Variants in SYT14 observed in about 807,000 individuals in gnomAD.
The protein encoded by SYT14 is synaptotagmin 14, also known as synaptotagmin-14.
Under a neutral mutation model 74.2 loss-of-function variants are expected in SYT14, and 32 were observed. The ratio of observed to expected loss-of-function variants is 0.43; its 90% CI spans 0.33 to 0.58. The LOEUF (loss-of-function observed/expected upper bound fraction) is 0.58, where lower values mean the gene tolerates loss of function less well. SYT14 is among the 20% of genes least tolerant of loss of function. The probability of loss-of-function intolerance (pLI) is 0.05; values close to 1 mark genes in which losing one functional copy is unlikely to be tolerated. For missense variants in SYT14, 791 were observed against 981.8 expected, an observed-to-expected ratio of 0.81 and a Z score of 2.60; for synonymous variants, 298 against 337.7, an observed-to-expected ratio of 0.88 and a Z score of 1.29.
In SYT14 at chr1:210,103,634, TAA is replaced by T. The variant is rs549867512; in HGVS notation, c.2034+3174_2034+3175del. Reference sequence around the variant, plus strand: ...ATCAATGCATGATAGAAAATATACTTAAGAGTTTAAAAAGCATAATTTCTTTC... The same window carrying T: ...ATCAATGCATGATAGAAAATATACTTGAGTTTAAAAAGCATAATTTCTTTC... On this transcript the variant is annotated intron_variant, in intron 7 of 9. Transcript: ENST00000637265. Among the ~76,000 whole-genome samples the T allele has an allele frequency of 4.7e-3, 713 of 152,060 alleles. 2 individuals are homozygous for T. The highest frequency in any genetic ancestry group is 8.6e-3 in the Non-Finnish European group (588 of 67,980).
intron 5 of SYT14, among the ~76,000 whole-genome samples, chr1:210,076,522 A>G (rs2081503876): frequency 6.6e-6 from 1 of 152,226 alleles, no homozygotes; most frequent in South Asian, 2.1e-4. Context: ...TAAATGGAAC[A>G]ATACAAAAGG....
At chr1:210,163,725 C>T (rs1309544976) in exon 10 of SYT14, 2 of 452,892 alleles carry the variant, frequency 4.4e-6, no homozygotes, top group Middle Eastern at 6.8e-4. Context: ...GTTGTCTGTT[C>T]TTTTAGAAAA....
chr1:209,963,503 T>G (rs1422141920), intron 2 of SYT14, among the ~76,000 whole-genome samples: 3 of 152,186 alleles, frequency 2.0e-5, no homozygotes, highest in Non-Finnish European at 2.9e-5. Flanking sequence ...TATGTATTTG[T>G]TTTACCTAAA....
intron 2 of SYT14, among the ~76,000 whole-genome samples, chr1:210,000,500 A>ACAC (rs3031236): frequency 1.3e-5 from 2 of 150,508 alleles, no homozygotes. Context: ...ACACACACAC[A>ACAC]ATCTAAGAAA....
chr1:210,139,265 C>CTTTTTTTTTTTTTTTTTT (rs960923188), intron 7 of SYT14, among the ~76,000 whole-genome samples: 10 of 95,858 alleles, frequency 1.0e-4, no homozygotes, highest in Non-Finnish European at 1.6e-4. Context: ...TTTCTTTTTT[C>CTTTTTTTTTTTTTTTTTT]TTTTTTTTTT....
intron 1 of SYT14, among the ~76,000 whole-genome samples, chr1:209,944,190 T>TA (rs543944662): frequency 9.2e-5 from 14 of 152,044 alleles, no homozygotes; most frequent in South Asian, 4.2e-4. Flanking sequence ...GGTGCAGAAG[T>TA]AAAAAAAAGG....
Position 210,129,732 on chromosome 1 carries a change from A to C in SYT14, c.2035-25989A>C, listed in dbSNP as rs921956948. 7.2e-5 allele frequency among the ~76,000 whole-genome samples: 11 copies of C among 152,202 alleles called. No individual in the cohort carries two copies. The South Asian group carries it at 1.4e-3, about 20-fold the overall frequency. Reference sequence around the variant, plus strand: ...ATTGCCTTTAGGAAACTTGAGGTCTATTTCACACAATCAGTGTCTTTCTAA... The same window carrying C: ...ATTGCCTTTAGGAAACTTGAGGTCTCTTTCACACAATCAGTGTCTTTCTAA... On this transcript the variant is annotated intron_variant, in intron 7 of 9. Transcript: ENST00000637265.
intron 2 of SYT14, among the ~76,000 whole-genome samples, chr1:210,001,167 A>AT (rs1455494557): frequency 1.3e-5 from 2 of 152,072 alleles, no homozygotes; most frequent in Non-Finnish European, 2.9e-5. Flanking sequence ...GAATTGTAAT[A>AT]TATTTTCATG....
At chr1:210,054,443 A>T (rs2081058613) in intron 5 of SYT14, among the ~76,000 whole-genome samples, 1 of 152,108 alleles carries the variant, frequency 6.6e-6, no homozygotes, top group South Asian at 2.1e-4. Flanking sequence ...ATATCTTTTC[A>T]TCACTAAGGA....
intron 7 of SYT14, among the ~76,000 whole-genome samples, chr1:210,144,584 A>G (rs1365429072): frequency 6.6e-6 from 1 of 152,050 alleles, no homozygotes; most frequent in Non-Finnish European, 1.5e-5. Context: ...TATATTTTTA[A>G]AATGAAATTC....
At chr1:210,086,950 C>G (rs1270439961) in intron 5 of SYT14, among the ~76,000 whole-genome samples, 1 of 152,088 alleles carries the variant, frequency 6.6e-6, no homozygotes, top group Non-Finnish European at 1.5e-5. Context: ...ATTATTTGAT[C>G]AGTCTGCACA....
chr1:210,063,799 A>T (rs926982536), intron 5 of SYT14, among the ~76,000 whole-genome samples: 1 of 137,996 alleles, frequency 7.2e-6, no homozygotes, highest in Non-Finnish European at 1.5e-5. Flanking sequence ...TTTCTCCATG[A>T]TTCACATTCT....
chr1:210,026,861 C>T (rs978464911), intron 5 of SYT14, among the ~76,000 whole-genome samples: 16 of 151,668 alleles, frequency 1.1e-4, no homozygotes, highest in Admixed American at 2.0e-4. Flanking sequence ...TATTAATTTT[C>T]GTAATTTCTT....
intron 5 of SYT14, among the ~76,000 whole-genome samples, chr1:210,071,567 A>G (rs538281651): frequency 1.6e-4 from 25 of 152,166 alleles, no homozygotes; most frequent in African/African-American, 5.3e-4. Flanking sequence ...ATACATATTT[A>G]TGCTATTTTT....
intron 7 of SYT14, among the ~76,000 whole-genome samples, chr1:210,153,281 G>A (rs1212749604): frequency 1.3e-5 from 2 of 152,140 alleles, no homozygotes; most frequent in East Asian, 1.9e-4. Flanking sequence ...GTTGTGTAGC[G>A]TTACCTCATA....
rs1345503971 is a variant in SYT14 at position 210,161,407 on chromosome 1, A to G, written c.*365A>G. On this transcript the variant is annotated 3_prime_UTR_variant, in exon 10 of 10. Transcript: ENST00000637265. ...TAAAAACCAGAATTTTAGTTGCAAT[A>G]CAATTTTAATATCACCCTACATATT... 7 of 454,298 alleles carry G rather than the reference A, an allele frequency of 1.5e-5. No individual in the cohort carries two copies. In the Admixed American group the frequency reaches 1.7e-4, roughly 11 times the overall value. 28.1% of individuals were successfully genotyped at this position (454,298 alleles called of 1,614,324 possible).
At chr1:209,939,413 CG>C (rs1423829395) in intron 1 of SYT14, among the ~76,000 whole-genome samples, 3 of 152,278 alleles carry the variant, frequency 2.0e-5, no homozygotes, top group Middle Eastern at 3.4e-3. Context: ...TTCTTTTTGT[CG>C]GATCATGTGG....
chr1:210,043,161 A>G (rs1411762600), intron 5 of SYT14, among the ~76,000 whole-genome samples: 1 of 152,076 alleles, frequency 6.6e-6, no homozygotes, highest in African/African-American at 2.4e-5. Flanking sequence ...GCAGGGGCAG[A>G]TTGTAGAACC....
rs72649942 is a variant in SYT14 at position 210,051,630 on chromosome 1, C to T, written c.1312+30376C>T. Among the ~76,000 whole-genome samples, 2,484 of 152,172 alleles carry T rather than the reference C, an allele frequency of 0.016. 194 individuals carry two copies. In the East Asian group the frequency reaches 0.25, roughly 15 times the overall value. ...TGTTATTTTCCCTTCACATAGAATA[C>T]TACATATGTGTGTATGTGTGTATAT... On this transcript the variant is annotated intron_variant, in intron 5 of 9. Coordinates refer to ENST00000637265, the Ensembl canonical transcript of SYT14.
Sources: allele counts gnomAD v4.1 joint callset (sites outside exome capture counted in the v4.1 genomes callset), GRCh38; gene constraint gnomAD v4.1.1; transcripts MANE v1.5; gene names NCBI Gene and HGNC (gene_info 2026-07-23, HGNC 2026-07-21).